The following TMEM45B variants were observed in gnomAD, a reference collection of about 807,000 sequenced individuals.
TMEM45B encodes the protein transmembrane protein 45B.
A neutral mutation model predicts 27.3 loss-of-function variants in TMEM45B; 29 were observed. The ratio of observed to expected loss-of-function variants is 1.06; its 90% CI spans 0.79 to 1.45. The LOEUF (loss-of-function observed/expected upper bound fraction) is 1.45, where lower values mean the gene tolerates loss of function less well. Ranked by LOEUF, TMEM45B falls within the 40% of genes most tolerant of loss-of-function variation. The pLI is 0.00. For synonymous variants in TMEM45B, 143 were observed against 134.7 expected (o/e 1.06, Z -0.43); for missense variants, 348 against 343.9 (o/e 1.01, Z -0.09).
rs539842403 is a variant in TMEM45B at position 129,856,661 on chromosome 11, G to A, written c.571-652G>A. On this transcript the variant is annotated intron_variant, in intron 4 of 5. Transcript: ENST00000281441. ...TGCAAGCTCCACCTCCCAGGTTCAC[G>A]CCATTCTCCTGCCTCAACCTCCCAA... Among the ~76,000 whole-genome samples the A allele has an allele frequency of 1.2e-4, 17 of 141,912 alleles. No homozygotes were observed. The East Asian group carries it at 3.3e-3, about 27-fold the overall frequency. The allele number at this position is 141,912 out of a possible 152,430, so 93.1% of individuals were successfully genotyped here. A position where few individuals can be genotyped will look rare whatever the true frequency, so the allele number is the denominator to read the frequency against.
At chr11:129,854,500 C>CCCTCA in intron 2 of TMEM45B, 110 bp from the exon 3 acceptor site, 2 of 1,117,910 alleles carry the variant, frequency 1.8e-6, no homozygotes, top group Admixed American at 2.0e-5. Context: ...CCGCGGGCCA[C>CCCTCA]CCTCACCTCA....
intron 3 of TMEM45B, among the ~76,000 whole-genome samples, chr11:129,855,456 A>G (rs1239365529): frequency 6.6e-6 from 1 of 152,214 alleles, no homozygotes; most frequent in African/African-American, 2.4e-5. Flanking sequence ...CAAATCAGCA[A>G]CATGCTTCAG....
chr11:129,853,780 G>A (rs1417922015), intron 2 of TMEM45B, among the ~76,000 whole-genome samples: 2 of 152,154 alleles, frequency 1.3e-5, no homozygotes, highest in African/African-American at 4.8e-5. Flanking sequence ...CTGACTCTGT[G>A]TGTGGGAATT....
intron 1 of TMEM45B, among the ~76,000 whole-genome samples, chr11:129,848,829 G>C (rs1947804401): frequency 6.6e-6 from 1 of 152,190 alleles, no homozygotes; most frequent in South Asian, 2.1e-4. Flanking sequence ...GGTGTCTGTT[G>C]AAGGCTGTAG....
rs1480194935 is a variant in TMEM45B, at chr11:129,837,784, T to C, written c.-8-14691T>C. Among the ~76,000 whole-genome samples the C allele has an allele frequency of 9.1e-4, 126 of 138,802 alleles. 1 individual carries two copies. Among genetic ancestry groups the C allele is most frequent in the African/African-American group, 3.0e-3 (113 of 37,656 alleles). 91.1% of individuals were successfully genotyped at this position (138,802 alleles called of 152,430 possible). A position where few individuals can be genotyped will look rare whatever the true frequency, so the allele number is the denominator to read the frequency against. ...TGTTACCCAGGCTAGTTTCTTTTTT[T>C]TTTTTTTTTTTTTTTGAGACTAAGT... is the stretch of plus-strand genomic sequence containing the variant. On this transcript the variant is annotated intron_variant, in intron 1 of 5. Transcript: ENST00000281441.
At chr11:129,839,220 G>T (rs692140) in intron 1 of TMEM45B, among the ~76,000 whole-genome samples, 133,671 of 152,176 alleles carry the variant, frequency 0.88, 59,405 homozygotes, top group East Asian at 1. Context: ...TCTTCTTGGT[G>T]GCCAGCTTGG....
At chr11:129,822,459 AG>A (rs1156270796) in intron 1 of TMEM45B, among the ~76,000 whole-genome samples, 1 of 152,206 alleles carries the variant, frequency 6.6e-6, no homozygotes, top group Admixed American at 6.6e-5. Flanking sequence ...TAAGCAGAGA[AG>A]GCCTTTTTGA....
intron 1 of TMEM45B, among the ~76,000 whole-genome samples, chr11:129,851,495 G>A (rs974703119): frequency 7.6e-6 from 1 of 130,918 alleles, no homozygotes; most frequent in African/African-American, 3.0e-5. Context: ...AGTGAGCCAA[G>A]ATCGTGCCAC....
intron 2 of TMEM45B, among the ~76,000 whole-genome samples, chr11:129,854,156 G>T (rs1947887929): frequency 6.6e-6 from 1 of 152,188 alleles, no homozygotes; most frequent in South Asian, 2.1e-4. Flanking sequence ...GCACGTACAG[G>T]TATCTTCATT....
intron 1 of TMEM45B, among the ~76,000 whole-genome samples, chr11:129,817,031 C>G (rs545719998): frequency 5.9e-5 from 9 of 152,018 alleles, no homozygotes; most frequent in Non-Finnish European, 8.8e-5. Flanking sequence ...CAGGCGTGAA[C>G]CACCGCGCCC....
rs1421043817 is a variant in TMEM45B, at chr11:129,845,269, GTA to G, written c.-8-7204_-8-7203del. On this transcript the variant is annotated intron_variant, in intron 1 of 5. Coordinates refer to ENST00000281441, the MANE Select transcript of TMEM45B (RefSeq NM_138788.5). ...TATTAATGGCTTATTTTGTGTGTGT[GTA>G]TGTGTGTGTGTGTGTGTGTGTGTGT... Among the ~76,000 whole-genome samples the G allele has an allele frequency of 3.6e-4, 30 of 84,360 alleles. No homozygotes were observed. The South Asian group carries it at 3.8e-3, about 11-fold the overall frequency. 55.3% of individuals were successfully genotyped at this position (84,360 alleles called of 152,430 possible).
intron 1 of TMEM45B, among the ~76,000 whole-genome samples, chr11:129,845,895 G>A (rs1436641221): frequency 2.0e-5 from 3 of 152,186 alleles, no homozygotes; most frequent in African/African-American, 7.2e-5. Context: ...TGCAGCAAAA[G>A]GTAGGGTGGG....
At chr11:129,844,207 A>C (rs7128150) in intron 1 of TMEM45B, among the ~76,000 whole-genome samples, 1,638 of 152,348 alleles carry the variant, frequency 0.011, 29 homozygotes, top group African/African-American at 0.037. Context: ...CACAGAAAAA[A>C]TGCTGTGTGA....
At chr11:129,842,851 A>T (rs1947712136) in intron 1 of TMEM45B, among the ~76,000 whole-genome samples, 1 of 152,260 alleles carries the variant, frequency 6.6e-6, no homozygotes, top group South Asian at 2.1e-4. Flanking sequence ...CCATGAAGAG[A>T]GTAAAGATAC....
intron 1 of TMEM45B, among the ~76,000 whole-genome samples, chr11:129,836,479 G>C (rs1947621386): frequency 6.6e-6 from 1 of 152,174 alleles, no homozygotes; most frequent in African/African-American, 2.4e-5. Context: ...AGAGGACAGG[G>C]TGTTATGGGC....
At chr11:129,823,317 A>C (rs1947442860) in intron 1 of TMEM45B, among the ~76,000 whole-genome samples, 2 of 152,178 alleles carry the variant, frequency 1.3e-5, no homozygotes, top group South Asian at 4.1e-4. Context: ...TGAAGGGAAC[A>C]GATACTACGT....
chr11:129,849,764 T>A (rs1032278771), intron 1 of TMEM45B, among the ~76,000 whole-genome samples: 27 of 152,304 alleles, frequency 1.8e-4, no homozygotes, highest in African/African-American at 6.0e-4. Flanking sequence ...AGCAGAGACC[T>A]GAGGTGGCCC....
At chr11:129,844,969 T>C (rs533182856) in intron 1 of TMEM45B, among the ~76,000 whole-genome samples, 33 of 152,224 alleles carry the variant, frequency 2.2e-4, no homozygotes, top group Middle Eastern at 3.4e-3. Flanking sequence ...TTTAGAGTTA[T>C]TAAAATGGAC....
At chr11:129,819,571 CTG>C (rs1297131639) in intron 1 of TMEM45B, among the ~76,000 whole-genome samples, 2 of 151,784 alleles carry the variant, frequency 1.3e-5, no homozygotes, top group African/African-American at 4.8e-5. Flanking sequence ...CTCTCTCTCT[CTG>C]TCTCATCTCT....
Sources: allele counts gnomAD v4.1 joint callset (sites outside exome capture counted in the v4.1 genomes callset), GRCh38; gene constraint gnomAD v4.1.1; transcripts MANE v1.5; gene names NCBI Gene and HGNC (gene_info 2026-07-23, HGNC 2026-07-21).